The following IL18R1 variants were observed in gnomAD, a reference collection of about 807,000 sequenced individuals.
IL18R1 encodes the protein interleukin-18 receptor 1.
In IL18R1, 40 loss-of-function variants were observed where a neutral mutation model predicts 48.5. The ratio of observed to expected loss-of-function variants is 0.82; its 90% confidence interval spans 0.64 to 1.07. The LOEUF is 1.07. Ranked by LOEUF, IL18R1 falls within the 50% of genes least tolerant of loss-of-function variation. The probability of loss-of-function intolerance (pLI) is 0.00; values close to 1 mark genes in which losing one functional copy is unlikely to be tolerated. For missense variants in IL18R1, 596 were observed against 633.7 expected (o/e 0.94, Z 0.64); for synonymous variants, 232 against 225.9 (o/e 1.03, Z -0.24).
chr2:102,377,596 A>G (rs10190555), intron 5 of IL18R1, among the ~76,000 whole-genome samples: 116,547 of 152,302 alleles, frequency 0.77, 45,487 homozygotes, highest in African/African-American at 0.86. Context: ...GATTACAGGC[A>G]TAAGCCACTG....
intron 3 of IL18R1, among the ~76,000 whole-genome samples, chr2:102,370,801 C>A (rs1679204529): frequency 6.6e-6 from 1 of 152,194 alleles, no homozygotes; most frequent in Non-Finnish European, 1.5e-5. Flanking sequence ...ATACCTGGAA[C>A]TCAGTAAGTG....
chr2:102,383,492 T>C (rs6760621), intron 6 of IL18R1, among the ~76,000 whole-genome samples: 81,215 of 152,012 alleles, frequency 0.53, 23,547 homozygotes, highest in African/African-American at 0.73. Context: ...GGATTTATGC[T>C]CGTTGAATTA....
chr2:102,379,649 T>C lies in IL18R1; in HGVS notation c.626-1971T>C, dbSNP rs573454839. On this transcript the variant is annotated intron_variant, in intron 5 of 10. Coordinates refer to ENST00000233957, the MANE Select transcript of IL18R1 (RefSeq NM_003855.5). Reference sequence around the variant, plus strand: ...CAGATTCTTCTTGGCCTCTCTGTTATATTTCCTTTTCCTGGGTAGAGGGCA... The same window carrying C: ...CAGATTCTTCTTGGCCTCTCTGTTACATTTCCTTTTCCTGGGTAGAGGGCA... 3.9e-5 allele frequency among the ~76,000 whole-genome samples: 6 copies of C among 152,270 alleles called. No individual in the cohort carries two copies. In the South Asian group the frequency reaches 1.2e-3, roughly 32 times the overall value.
In IL18R1 at chr2:102,376,031, T is replaced by A. The variant is rs1573206155; in HGVS notation, c.593T>A (p.Ile198Asn). 1 of 1,600,484 alleles carries A rather than the reference T, an allele frequency of 6.2e-7. No homozygotes were observed. Among genetic ancestry groups the A allele is most frequent in the Non-Finnish European group, 8.5e-7 (1 of 1,175,540 alleles). Reference sequence around the variant, plus strand: ...CATCATAATGGAAAACTATTTAATATCACCAAAACCTTCAATATAACAATA... The same window carrying A: ...CATCATAATGGAAAACTATTTAATAACACCAAAACCTTCAATATAACAATA... ...FLHHNGKLFN[I>N]TKTFNITIVE... The change falls in exon 5 of 11, where the codon ATC becomes AAC. Residue 198 changes from isoleucine to asparagine, a missense_variant. Ile to Asn is a moderately radical substitution (Grantham distance 149). Around this residue, in one of 3 missense-constraint regions of IL18R1, gnomAD observed 360 missense variants for 339.4 expected, o/e 1.06. Coordinates refer to ENST00000233957, the MANE Select transcript of IL18R1 (RefSeq NM_003855.5).
intron 6 of IL18R1, among the ~76,000 whole-genome samples, chr2:102,383,946 G>A (rs1208607659): frequency 6.6e-6 from 1 of 151,924 alleles, no homozygotes; most frequent in Non-Finnish European, 1.5e-5. Context: ...GCTTCTATTA[G>A]CTGTCTTTTC....
intron 9 of IL18R1, among the ~76,000 whole-genome samples, chr2:102,393,090 T>A (rs917744880): frequency 6.6e-5 from 10 of 152,196 alleles, no homozygotes; most frequent in South Asian, 2.1e-4. Context: ...CTTCCCAGTT[T>A]GTTGCAATCC....
At chr2:102,382,108 A>T (rs907957592) in intron 6 of IL18R1, among the ~76,000 whole-genome samples, 3 of 151,996 alleles carry the variant, frequency 2.0e-5, no homozygotes, top group Non-Finnish European at 4.4e-5. Context: ...CCCCATCTCT[A>T]CTAAAAATAC....
At chr2:102,379,547 C>T (rs1679800152) in intron 5 of IL18R1, among the ~76,000 whole-genome samples, 1 of 152,004 alleles carries the variant, frequency 6.6e-6, no homozygotes, top group South Asian at 2.1e-4. Flanking sequence ...CATGGACAGC[C>T]ATGTAGAAAT....
At chr2:102,387,847 A>G (rs898869583) in intron 8 of IL18R1, among the ~76,000 whole-genome samples, 8 of 152,150 alleles carry the variant, frequency 5.3e-5, no homozygotes, top group East Asian at 1.9e-4. Context: ...AGACAAACAG[A>G]CAACTCTAGA....
chr2:102,365,463 CA>C (rs1678835197), intron 2 of IL18R1, among the ~76,000 whole-genome samples: 1 of 152,184 alleles, frequency 6.6e-6, no homozygotes, highest in South Asian at 2.1e-4. Context: ...TGTGGCTTTG[CA>C]GGGTACATCT....
chr2:102,382,739 T>A (rs1253470385), intron 6 of IL18R1, among the ~76,000 whole-genome samples: 2 of 152,170 alleles, frequency 1.3e-5, no homozygotes, highest in African/African-American at 4.8e-5. Flanking sequence ...TCACAGTGGT[T>A]TATATGACCA....
intron 3 of IL18R1, 26 bp downstream of exon 3, chr2:102,368,094 G>T (rs761302438): frequency 6.2e-7 from 1 of 1,612,214 alleles, no homozygotes; most frequent in Non-Finnish European, 8.5e-7. Context: ...TTTTCAAAAT[G>T]TATTTCACAG....
intron 8 of IL18R1, among the ~76,000 whole-genome samples, chr2:102,388,600 A>G (rs1012731373): frequency 6.6e-6 from 1 of 152,116 alleles, no homozygotes; most frequent in Non-Finnish European, 1.5e-5. Flanking sequence ...GGACTGTCCT[A>G]TTCCTGCCCT....
chr2:102,395,037 A>T (rs1680749490), intron 10 of IL18R1, among the ~76,000 whole-genome samples: 1 of 152,204 alleles, frequency 6.6e-6, no homozygotes, highest in Admixed American at 6.5e-5. Flanking sequence ...AGAAATAAAC[A>T]CGGGTTAATT....
chr2:102,384,606 G>T (rs1272629534), intron 6 of IL18R1, among the ~76,000 whole-genome samples: 1 of 152,126 alleles, frequency 6.6e-6, no homozygotes, highest in African/African-American at 2.4e-5. Flanking sequence ...GCTACGAAAA[G>T]AAAGTACACT....
chr2:102,377,624 T>C (rs2105081648), intron 5 of IL18R1, among the ~76,000 whole-genome samples: 1 of 152,374 alleles, frequency 6.6e-6, no homozygotes, highest in South Asian at 2.1e-4. Flanking sequence ...CTGGAAAATG[T>C]GTTTCTTTGC....
chr2:102,371,523 T>C (rs1204020526), intron 3 of IL18R1, among the ~76,000 whole-genome samples: 2 of 152,114 alleles, frequency 1.3e-5, no homozygotes, highest in Non-Finnish European at 2.9e-5. Flanking sequence ...CTAATATATA[T>C]ATACACACAT....
intron 5 of IL18R1, among the ~76,000 whole-genome samples, chr2:102,377,900 T>C (rs567187681): frequency 1.3e-5 from 2 of 152,380 alleles, no homozygotes; most frequent in South Asian, 2.1e-4. Context: ...AGGAGTAGGA[T>C]GTGGGAAACT....
Position 102,356,419 on chromosome 2 carries a change from GCCACCCGCATCCCCTCC to G in IL18R1, c.-29+26_-29+42del. On this transcript the variant is annotated intron_variant, in intron 1 of 10. Transcript: ENST00000233957. ...TCTGAAGGTAAGGGTGGGCTCCGCT[GCCACCCGCATCCCCTCC>G]CCACCCCCCAGAGGAAGGGAAGACC... The G allele has an allele frequency of 1.2e-6, 1 of 861,178 alleles. No individual in the cohort carries two copies. Among genetic ancestry groups the G allele is most frequent in the Non-Finnish European group, 1.4e-6 (1 of 716,362 alleles). The allele number at this position is 861,178 out of a possible 1,614,324, so 53.3% of individuals were successfully genotyped here.
Sources: allele counts gnomAD v4.1 joint callset (sites outside exome capture counted in the v4.1 genomes callset), GRCh38; gene constraint gnomAD v4.1.1; regional missense constraint gnomAD v4.1.1; transcripts MANE v1.5; gene names NCBI Gene and HGNC (gene_info 2026-07-23, HGNC 2026-07-21).